The following PPP1R12B variants were observed in gnomAD, a reference collection of about 807,000 sequenced individuals.
The protein encoded by PPP1R12B is protein phosphatase 1 regulatory subunit 12B, also known as myosin phosphatase target subunit 2.
A neutral mutation model predicts 126.1 loss-of-function variants in PPP1R12B; 76 were observed. That is an observed-to-expected ratio of 0.60 (90% CI 0.50 to 0.73). The LOEUF (loss-of-function observed/expected upper bound fraction) is 0.73, where lower values mean the gene tolerates loss of function less well. Ranked by LOEUF, PPP1R12B falls within the 30% of genes least tolerant of loss-of-function variation. The probability of loss-of-function intolerance (pLI) is 0.00; values close to 1 mark genes in which losing one functional copy is unlikely to be tolerated. For missense variants in PPP1R12B, 1,052 were observed against 1,205.1 expected (o/e 0.87, Z 1.88); for synonymous variants, 356 against 434.7 (o/e 0.82, Z 2.25).
chr1:202,452,169 A>G (rs1267778324), intron 13 of PPP1R12B, among the ~76,000 whole-genome samples: 1 of 152,112 alleles, frequency 6.6e-6, no homozygotes, highest in African/African-American at 2.4e-5. Context: ...AGAGGCTGCA[A>G]TCTCGGCACT....
At chr1:202,559,995 C>T (rs538052105) in intron 19 of PPP1R12B, among the ~76,000 whole-genome samples, 2 of 152,196 alleles carry the variant, frequency 1.3e-5, no homozygotes, top group East Asian at 1.9e-4. Flanking sequence ...CTATGGAACA[C>T]AATCCATAGC....
Position 202,467,532 on chromosome 1 carries a change from C to T in PPP1R12B, c.1850+18361C>T, listed in dbSNP as rs534794958. ...GAATGATGATTTCCAGCTTCATCCA[C>T]GTCCCTACAAAGGACATGAACTCAT... On this transcript the variant is annotated intron_variant, in intron 13 of 23. Coordinates refer to ENST00000608999, the MANE Select transcript of PPP1R12B (RefSeq NM_002481.4). 6.4e-4 allele frequency among the ~76,000 whole-genome samples: 98 copies of T among 152,218 alleles called. No homozygotes were observed. In the South Asian group the frequency reaches 0.011, roughly 17 times the overall value.
Position 202,470,186 on chromosome 1 carries a change from C to A in PPP1R12B, c.1851-18347C>A, listed in dbSNP as rs537583802. ...TTCTTTTCCTGATTGCCTACTTACG[C>A]AAGCTAGAACTCCTTTTTCTACCAC... On this transcript the variant is annotated intron_variant, in intron 13 of 23. Coordinates refer to ENST00000608999, the MANE Select transcript of PPP1R12B (RefSeq NM_002481.4). Among the ~76,000 whole-genome samples, 24 of 152,310 alleles carry A rather than the reference C, an allele frequency of 1.6e-4. No individual in the cohort carries two copies. In the South Asian group the frequency reaches 5.0e-3, roughly 32 times the overall value.
At chr1:202,439,888 C>T (rs1020032401) in intron 10 of PPP1R12B, 116 of 301,874 alleles carry the variant, frequency 3.8e-4, no homozygotes, top group African/African-American at 2.1e-3. Flanking sequence ...GCCCTGCTTG[C>T]CCCACACTGT....
intron 18 of PPP1R12B, among the ~76,000 whole-genome samples, chr1:202,520,829 A>G (rs1455799770): frequency 6.6e-6 from 1 of 152,244 alleles, no homozygotes; most frequent in African/African-American, 2.4e-5. Context: ...TTTAAAAAAT[A>G]CATAGTTATT....
At chr1:202,507,561 C>T (rs1443424440) in intron 18 of PPP1R12B, among the ~76,000 whole-genome samples, 1 of 152,148 alleles carries the variant, frequency 6.6e-6, no homozygotes, top group Non-Finnish European at 1.5e-5. Flanking sequence ...AGTGAATTTC[C>T]TGCTGGTATT....
chr1:202,495,266 A>G (rs368484560), intron 15 of PPP1R12B, 27 bp from the exon 16 acceptor site: 13 of 1,516,368 alleles, frequency 8.6e-6, no homozygotes, highest in Middle Eastern at 1.8e-4. Context: ...TTGATTTCTA[A>G]TATCTCATAT....
intron 3 of PPP1R12B, among the ~76,000 whole-genome samples, chr1:202,424,168 C>T (rs1212340765): frequency 6.6e-6 from 1 of 152,184 alleles, no homozygotes. Flanking sequence ...AGGGAACATA[C>T]TCTGTTGAAA....
intron 1 of PPP1R12B, among the ~76,000 whole-genome samples, chr1:202,382,075 A>G (rs1409718376): frequency 6.6e-6 from 1 of 152,160 alleles, no homozygotes; most frequent in Non-Finnish European, 1.5e-5. Flanking sequence ...CATATACACC[A>G]TGGAATACTA....
intron 10 of PPP1R12B, chr1:202,439,549 T>C: frequency 1.3e-6 from 2 of 1,509,788 alleles, no homozygotes; most frequent in Admixed American, 3.9e-5. Context: ...CTCTCTGTGG[T>C]CACTCCTGCC....
chr1:202,373,287 T>C (rs979004458), intron 1 of PPP1R12B, among the ~76,000 whole-genome samples: 1 of 152,200 alleles, frequency 6.6e-6, no homozygotes, highest in African/African-American at 2.4e-5. Context: ...TTTGACACTA[T>C]AAAGTTTTTA....
intron 13 of PPP1R12B, among the ~76,000 whole-genome samples, chr1:202,471,653 A>T (rs920291518): frequency 2.9e-5 from 4 of 139,194 alleles, no homozygotes; most frequent in Non-Finnish European, 6.2e-5. Flanking sequence ...TTTAATTTGC[A>T]TTTTTTTTAT....
chr1:202,560,919 G>A (rs886231377), intron 19 of PPP1R12B, among the ~76,000 whole-genome samples: 18 of 152,068 alleles, frequency 1.2e-4, no homozygotes, highest in Admixed American at 8.5e-4. Flanking sequence ...GCCCGATGAC[G>A]AGTTAGTGGG....
chr1:202,490,523 TAC>T, intron 14 of PPP1R12B, among the ~76,000 whole-genome samples: 1 of 152,242 alleles, frequency 6.6e-6, no homozygotes, highest in East Asian at 1.9e-4. Flanking sequence ...TTTTTAAGTT[TAC>T]AGTTTAATGG....
At chr1:202,478,680 A>G (rs771931176) in intron 13 of PPP1R12B, among the ~76,000 whole-genome samples, 1 of 152,158 alleles carries the variant, frequency 6.6e-6, no homozygotes, top group Non-Finnish European at 1.5e-5. Context: ...ATGCAGTAAA[A>G]TAAAAATGAG....
In PPP1R12B at chr1:202,348,837, G is replaced by A. The variant is rs776426909; in HGVS notation, c.-15G>A. The stretch of plus-strand genomic sequence containing the variant: ...AGTGTTGGTAGTTTTGGCAGCAGCT[G>A]CCGAGGCCGGAGCAATGGCGGAACT... On this transcript the variant is annotated 5_prime_UTR_variant, in exon 1 of 24. Transcript: ENST00000608999. 5.0e-6 allele frequency: 8 copies of A among 1,598,446 alleles called. No individual in the cohort carries two copies. In the South Asian group the frequency reaches 9.0e-5, roughly 18 times the overall value.
chr1:202,435,924 GCTT>G (rs1670748669), intron 9 of PPP1R12B, among the ~76,000 whole-genome samples: 1 of 152,122 alleles, frequency 6.6e-6, no homozygotes, highest in African/African-American at 2.4e-5. Flanking sequence ...TACTGCCACT[GCTT>G]CTAAGGATGC....
intron 13 of PPP1R12B, among the ~76,000 whole-genome samples, chr1:202,455,562 G>A (rs977526011): frequency 2.6e-5 from 4 of 152,102 alleles, no homozygotes; most frequent in Admixed American, 6.5e-5. Context: ...CTTTACATGG[G>A]TGAATAATAT....
At chr1:202,477,179 G>A (rs983459688) in intron 13 of PPP1R12B, among the ~76,000 whole-genome samples, 8 of 152,318 alleles carry the variant, frequency 5.3e-5, no homozygotes, top group African/African-American at 1.4e-4. Flanking sequence ...GTAGTAGTAA[G>A]AGTGTTGGTC....
Sources: allele counts gnomAD v4.1 joint callset (sites outside exome capture counted in the v4.1 genomes callset), GRCh38; gene constraint gnomAD v4.1.1; transcripts MANE v1.5; gene names NCBI Gene and HGNC (gene_info 2026-07-23, HGNC 2026-07-21).